LGALS4: variants seen among roughly 807,000 people sequenced by gnomAD.
LGALS4 encodes the protein galectin-4.
Under a neutral mutation model 39.6 loss-of-function variants are expected in LGALS4, and 37 were observed. That is an observed-to-expected ratio of 0.93 (90% confidence interval 0.72 to 1.23). The LOEUF is 1.23. Among genes scored for constraint, LGALS4 ranks in the 50% most tolerant of loss-of-function variants. The pLI is 0.00. For synonymous variants in LGALS4, 160 were observed against 165.5 expected (o/e 0.97, Z 0.25); for missense variants, 397 against 433.2 (o/e 0.92, Z 0.74).
At chr19:38,802,452 C>T in intron 7 of LGALS4, 48 bp from the exon 8 acceptor site, 1 of 1,398,022 alleles carries the variant, frequency 7.2e-7, no homozygotes, top group Non-Finnish European at 1.0e-6. Context: ...CTTAGCAGAG[C>T]CAGATGTGGG....
intron 2 of LGALS4, 114 bp from the exon 3 acceptor site, chr19:38,809,062 A>T (rs1000926818): frequency 1.2e-6 from 1 of 857,554 alleles, no homozygotes; most frequent in African/African-American, 1.7e-5. Flanking sequence ...CCCGGACCTC[A>T]GCACCAGCTC....
At chr19:38,811,994 CA>C (rs1471093424) in intron 2 of LGALS4, among the ~76,000 whole-genome samples, 4 of 146,012 alleles carry the variant, frequency 2.7e-5, no homozygotes, top group African/African-American at 1.0e-4. Context: ...GCCTGGGCGA[CA>C]AGAGCAAAAC....
chr19:38,806,871 C>T (rs551713362), intron 3 of LGALS4, among the ~76,000 whole-genome samples: 244 of 151,752 alleles, frequency 1.6e-3, no homozygotes, highest in African/African-American at 5.5e-3. Flanking sequence ...CGCCTGAACC[C>T]GGGAGGTGGA....
At chr19:38,812,773 T>C (rs140135310) in intron 1 of LGALS4, 69 bp downstream of exon 1, 1 of 1,532,306 alleles carries the variant, frequency 6.5e-7, no homozygotes, top group East Asian at 2.3e-5. Flanking sequence ...AGGATCAGAG[T>C]GGGGAAAATT....
intron 2 of LGALS4, among the ~76,000 whole-genome samples, chr19:38,810,522 C>A (rs1487409064): frequency 1.3e-5 from 2 of 152,002 alleles, no homozygotes; most frequent in Non-Finnish European, 2.9e-5. Context: ...GCCACCATGC[C>A]CAGCTAATTT....
chr19:38,810,538 A>G (rs1032777384), intron 2 of LGALS4, among the ~76,000 whole-genome samples: 2 of 151,170 alleles, frequency 1.3e-5, no homozygotes, highest in Non-Finnish European at 2.9e-5. Flanking sequence ...AATTTTTTGT[A>G]TTTTTAGTAG....
rs1971364547 is a variant in LGALS4 at position 38,802,121 on chromosome 19, G to A, written c.696C>T (p.Asp232=). The change falls in exon 9 of 10, where the codon GAC becomes GAT. Residue 232 remains aspartate (D), a synonymous_variant. Transcript: ENST00000307751. ...AINFKVGSSG[D]IALHINPRMG... is the part of the protein sequence containing the mutation. ...TGCGGGGATTAATGTGCAGAGCTAT[G>A]TCCCCTGAGGAGCCCACCTTGAAGT... 6.2e-7 allele frequency: 1 copy of A among 1,614,078 alleles called. No homozygotes were observed. Among genetic ancestry groups the A allele is most frequent in the Non-Finnish European group, 8.5e-7 (1 of 1,179,954 alleles).
intron 6 of LGALS4, 40 bp from the exon 7 acceptor site, chr19:38,803,591 C>T (rs758094300): frequency 1.7e-5 from 27 of 1,611,172 alleles, no homozygotes; most frequent in East Asian, 2.2e-5. Context: ...CTCCAAGAGT[C>T]GACAGATATC....
In LGALS4 at chr19:38,806,488, G is replaced by A. The variant is rs1971423390; in HGVS notation, c.447C>T (p.Phe149=). ...GGGGCCGGAGGGGCTGGCCTCCGAT[G>A]AAGTTGATTGATTGAAGTTGCAGAT... ...DGDLQLQSIN[F]IGGQPLRPQG... is the part of the protein sequence containing the mutation. Residue 149 remains phenylalanine (F), a synonymous_variant, in exon 4 of 10, where the codon TTC becomes TTT. Coordinates refer to ENST00000307751, the MANE Select transcript of LGALS4 (RefSeq NM_006149.4). 1 of 1,614,218 alleles carries A rather than the reference G, an allele frequency of 6.2e-7. No individual in the cohort carries two copies. Among genetic ancestry groups the A allele is most frequent in the South Asian group, 1.1e-5 (1 of 91,076 alleles).
At position 38,803,854 on chromosome 19, in the gene LGALS4, T is replaced by C; in HGVS notation, c.501+15A>G. 6.2e-7 allele frequency: 1 copy of C among 1,612,294 alleles called. No homozygotes were observed. The highest frequency in any genetic ancestry group is 1.1e-5 in the South Asian group (1 of 90,702). On this transcript the variant is annotated intron_variant, in intron 5 of 9. Transcript: ENST00000307751. ...CACTAGGGAGGAAGACCCTCACCTA[T>C]CAGCAAGTACTTACAGGGTAAGGTG...
intron 4 of LGALS4, among the ~76,000 whole-genome samples, chr19:38,804,575 T>C (rs1971400352): frequency 6.6e-6 from 1 of 152,180 alleles, no homozygotes; most frequent in Non-Finnish European, 1.5e-5. Flanking sequence ...TCTCTCTTTC[T>C]CTCTGTTACC....
At chr19:38,812,407 G>C in intron 2 of LGALS4, 24 bp downstream of exon 2, 2 of 1,606,998 alleles carry the variant, frequency 1.2e-6, no homozygotes, top group Non-Finnish European at 1.7e-6. Context: ...CTGCCAGCCC[G>C]GCCTGGCTTG....
intron 3 of LGALS4, among the ~76,000 whole-genome samples, chr19:38,808,189 A>G (rs1413644626): frequency 5.9e-5 from 9 of 151,702 alleles, no homozygotes; most frequent in African/African-American, 2.2e-4. Context: ...GAAAAGAAAG[A>G]AGTTGACATA....
intron 7 of LGALS4, 26 bp from the exon 8 acceptor site, chr19:38,802,430 A>G: frequency 1.3e-6 from 2 of 1,554,170 alleles, no homozygotes; most frequent in Non-Finnish European, 1.8e-6. Context: ...GGGGGGTCCC[A>G]TTCTCTCTCA....
intron 3 of LGALS4, among the ~76,000 whole-genome samples, chr19:38,807,655 T>G (rs1971438083): frequency 6.6e-6 from 1 of 151,226 alleles, no homozygotes; most frequent in Admixed American, 6.6e-5. Flanking sequence ...GAATGGGCCA[T>G]GATGACGATG....
At chr19:38,803,360 T>A (rs1374300453) in intron 7 of LGALS4, 162 bp downstream of exon 7, 2 of 680,042 alleles carry the variant, frequency 2.9e-6, no homozygotes, top group Non-Finnish European at 5.1e-6. Context: ...CTGGAAAACA[T>A]CCCCAATTCC....
Position 38,803,551 on chromosome 19 carries a change from T to A in LGALS4, c.541A>T (p.Thr181Ser), listed in dbSNP as rs201504012. 2.5e-5 allele frequency: 40 copies of A among 1,613,986 alleles called. No homozygotes were observed. The highest frequency in any genetic ancestry group is 1.3e-4 in the African/African-American group (10 of 75,010). ...HCHQQLNSLP[T>S]MEGPPTFNPP... ...TTGAAGGTTGGGGGTCCTTCCATGGTCTGTGAAGTGAGGAAGAAGCGATAT... is the reference window on the plus strand; with the variant it reads ...TTGAAGGTTGGGGGTCCTTCCATGGACTGTGAAGTGAGGAAGAAGCGATAT... The change falls in exon 7 of 10, where the codon ACC (threonine) becomes TCC (serine). Residue 181 changes from threonine to serine, a missense_variant and splice_region_variant. Coordinates refer to ENST00000307751, the MANE Select transcript of LGALS4 (RefSeq NM_006149.4).
Position 38,808,773 on chromosome 19 carries a change from C to A in LGALS4, c.310G>T (p.Val104Phe). The change falls in exon 3 of 10, where the codon GTC (valine) becomes TTC (phenylalanine). Residue 104 changes from valine to phenylalanine, a missense_variant. Val to Phe is a conservative substitution (Grantham distance 50). Coordinates refer to ENST00000307751, the MANE Select transcript of LGALS4 (RefSeq NM_006149.4). ...TAGTGCTCAGCCAGGACTATGAAGA[C>A]CAGCTCAAAGGCGGCACCCTTTTTG... ...PFKKGAAFEL[V>F]FIVLAEHYKV... The A allele has an allele frequency of 1.2e-6, 2 of 1,614,212 alleles. No individual in the cohort carries two copies. Among genetic ancestry groups the A allele is most frequent in the Admixed American group, 1.7e-5 (1 of 60,018 alleles).
intron 4 of LGALS4, among the ~76,000 whole-genome samples, chr19:38,804,641 C>T (rs1971401145): frequency 6.6e-6 from 1 of 152,028 alleles, no homozygotes; most frequent in Non-Finnish European, 1.5e-5. Flanking sequence ...CTATTCTCAG[C>T]CAGCTATTCT....
Sources: allele counts gnomAD v4.1 joint callset (sites outside exome capture counted in the v4.1 genomes callset), GRCh38; gene constraint gnomAD v4.1.1; transcripts MANE v1.5; gene names NCBI Gene and HGNC (gene_info 2026-07-23, HGNC 2026-07-21).